The following TRPM3 variants were observed in gnomAD, a reference collection of about 807,000 sequenced individuals.
TRPM3 encodes the protein transient receptor potential cation channel subfamily M member 3, also known as long transient receptor potential channel 3.
Under a neutral mutation model 181.2 loss-of-function variants are expected in TRPM3, and 77 were observed. The ratio of observed to expected loss-of-function variants is 0.42; its 90% CI spans 0.35 to 0.51. The LOEUF (loss-of-function observed/expected upper bound fraction) is 0.51, where lower values mean the gene tolerates loss of function less well. Ranked by LOEUF, TRPM3 falls within the 20% of genes least tolerant of loss-of-function variation. The pLI is 0.01. For missense variants in TRPM3, 1,759 were observed against 2,196.7 expected (o/e 0.80, Z 3.98); for synonymous variants, 745 against 796.4 (o/e 0.94, Z 1.09).
intron 1 of TRPM3, among the ~76,000 whole-genome samples, chr9:71,229,197 G>A (rs1053596231): frequency 6.6e-6 from 1 of 152,074 alleles, no homozygotes; most frequent in African/African-American, 2.4e-5. Context: ...TGACAAAGGT[G>A]CCAAATGCAT....
chr9:71,146,280 T>C (rs780375464), intron 1 of TRPM3, among the ~76,000 whole-genome samples: 2 of 152,100 alleles, frequency 1.3e-5, no homozygotes, highest in Non-Finnish European at 2.9e-5. Flanking sequence ...GTGGTGCCGT[T>C]TGCAGTTTCA....
At chr9:71,346,924 T>C (rs1205229701) in intron 1 of TRPM3, among the ~76,000 whole-genome samples, 2 of 152,168 alleles carry the variant, frequency 1.3e-5, no homozygotes. Context: ...ACAACATTGC[T>C]CTCACCACTT....
chr9:71,432,929 A>G (rs1172462992), intron 1 of TRPM3, among the ~76,000 whole-genome samples: 1 of 152,182 alleles, frequency 6.6e-6, no homozygotes, highest in Non-Finnish European at 1.5e-5. Flanking sequence ...AATACTCACC[A>G]ATTACCTTAA....
intron 5 of TRPM3, among the ~76,000 whole-genome samples, chr9:70,829,541 AT>A (rs1163894527): frequency 6.6e-6 from 1 of 152,206 alleles, no homozygotes; most frequent in Non-Finnish European, 1.5e-5. Flanking sequence ...CTATTAATAT[AT>A]AGGACTTTTT....
chr9:71,051,597 CGG>C lies in TRPM3; in HGVS notation c.177+69579_177+69580del, dbSNP rs1171449123. 4.6e-5 allele frequency among the ~76,000 whole-genome samples: 7 copies of C among 151,860 alleles called. No homozygotes were observed. In the East Asian group the frequency reaches 1.4e-3, roughly 30 times the overall value. On this transcript the variant is annotated intron_variant, in intron 1 of 25. Transcript: ENST00000677713. Reference sequence around the variant, plus strand: ...TATGGACAGAAAGTGAAAATGGCGGCGGGGTGGGGGGGTTATATAGTCTTATT... The same window carrying C: ...TATGGACAGAAAGTGAAAATGGCGGCGGTGGGGGGGTTATATAGTCTTATT...
intron 1 of TRPM3, among the ~76,000 whole-genome samples, chr9:71,404,384 A>T (rs2093397604): frequency 6.6e-6 from 1 of 152,250 alleles, no homozygotes; most frequent in Middle Eastern, 3.2e-3. Context: ...ACAACATAGT[A>T]TAACATGGGA....
intron 1 of TRPM3, among the ~76,000 whole-genome samples, chr9:71,383,594 G>A (rs541577107): frequency 3.9e-4 from 59 of 152,270 alleles, no homozygotes; most frequent in African/African-American, 1.4e-3. Flanking sequence ...TTCTGGGACT[G>A]CCTCCTTTCT....
intron 1 of TRPM3, among the ~76,000 whole-genome samples, chr9:71,006,728 G>A (rs756994265): frequency 1.1e-4 from 16 of 151,906 alleles, no homozygotes; most frequent in African/African-American, 2.4e-4. Context: ...AAAATTAGCC[G>A]GGCGTGGTGG....
At chr9:70,880,491 A>C (rs749461438) in intron 1 of TRPM3, among the ~76,000 whole-genome samples, 4 of 152,094 alleles carry the variant, frequency 2.6e-5, no homozygotes, top group Non-Finnish European at 5.9e-5. Flanking sequence ...CAATTAGAAA[A>C]TTCTATATTT....
intron 1 of TRPM3, among the ~76,000 whole-genome samples, chr9:71,347,650 TC>T (rs1458283483): frequency 6.6e-6 from 1 of 152,148 alleles, no homozygotes; most frequent in African/African-American, 2.4e-5. Flanking sequence ...GTGAGGTGGC[TC>T]ATGCCTGTAA....
chr9:71,175,290 G>A (rs2077050716), intron 1 of TRPM3, among the ~76,000 whole-genome samples: 1 of 152,156 alleles, frequency 6.6e-6, no homozygotes. Context: ...GTGTGAATCT[G>A]TAATAGGCTA....
chr9:71,070,779 CA>C (rs1221846487), intron 1 of TRPM3, among the ~76,000 whole-genome samples: 3 of 152,248 alleles, frequency 2.0e-5, no homozygotes, highest in East Asian at 3.9e-4. Context: ...CTAGTCTGAA[CA>C]GAAATCTAAT....
At chr9:71,306,786 A>C (rs1423181076) in intron 1 of TRPM3, among the ~76,000 whole-genome samples, 2 of 152,162 alleles carry the variant, frequency 1.3e-5, no homozygotes, top group African/African-American at 2.4e-5. Context: ...AGGCAGGAGA[A>C]TCGCTTGAAC....
intron 1 of TRPM3, among the ~76,000 whole-genome samples, chr9:71,316,878 C>A (rs1419669594): frequency 6.6e-6 from 1 of 152,124 alleles, no homozygotes. Flanking sequence ...AAAAAAAATC[C>A]TGTGGGCCAC....
intron 1 of TRPM3, among the ~76,000 whole-genome samples, chr9:70,869,497 T>G (rs1255145100): frequency 6.6e-6 from 1 of 151,972 alleles, no homozygotes; most frequent in Non-Finnish European, 1.5e-5. Context: ...CAAGCGGCAT[T>G]GTTCCACCAT....
Position 71,277,883 on chromosome 9 carries a change from T to C in TRPM3, c.183+168770A>G, listed in dbSNP as rs566294957. ...AGGAAAAGAGGATGCAGAGACAAAG[T>C]CAGAGAGTAGAACTGTAAAGCAGGA... On this transcript the variant is annotated intron_variant, in intron 1 of 24. Transcript: ENST00000357533. 4.7e-5 allele frequency among the ~76,000 whole-genome samples: 7 copies of C among 148,168 alleles called. No individual in the cohort carries two copies. The South Asian group carries it at 1.1e-3, about 22-fold the overall frequency.
intron 1 of TRPM3, among the ~76,000 whole-genome samples, chr9:71,085,865 C>T (rs2065168704): frequency 6.6e-6 from 1 of 151,934 alleles, no homozygotes; most frequent in African/African-American, 2.4e-5. Flanking sequence ...CAAAAGAAAA[C>T]AAATTGTTCA....
At chr9:70,866,519 C>A (rs2132479447) in intron 1 of TRPM3, among the ~76,000 whole-genome samples, 1 of 152,142 alleles carries the variant, frequency 6.6e-6, no homozygotes, top group South Asian at 2.1e-4. Context: ...TGCAACACAG[C>A]ATTGTTGTCA....
chr9:71,418,632 C>T (rs1458831527), intron 1 of TRPM3, among the ~76,000 whole-genome samples: 1 of 151,484 alleles, frequency 6.6e-6, no homozygotes, highest in African/African-American at 2.4e-5. Flanking sequence ...TCAATCATCA[C>T]TAGTGATATC....
Sources: allele counts gnomAD v4.1 joint callset (sites outside exome capture counted in the v4.1 genomes callset), GRCh38; gene constraint gnomAD v4.1.1; transcripts MANE v1.5; gene names NCBI Gene and HGNC (gene_info 2026-07-23, HGNC 2026-07-21).